ZNF106: variants seen among roughly 807,000 people sequenced by gnomAD.
The protein encoded by ZNF106 is zinc finger protein 106, also known as SH3-domain binding protein 3.
ZNF106 carries 67 observed loss-of-function variants against 195.1 expected under a neutral mutation model. The observed-to-expected ratio is 0.34, with a 90% CI of 0.28 to 0.42. The LOEUF is 0.42. Ranked by LOEUF, ZNF106 falls within the 10% of genes least tolerant of loss-of-function variation. ZNF106 has a pLI of 1.00. For missense variants in ZNF106, 2,118 were observed against 2,304.5 expected (o/e 0.92, Z 1.66); for synonymous variants, 784 against 818.6 (o/e 0.96, Z 0.72).
At chr15:42,490,093 G>T (rs2057113580) in intron 1 of ZNF106, among the ~76,000 whole-genome samples, 1 of 151,848 alleles carries the variant, frequency 6.6e-6, no homozygotes, top group Non-Finnish European at 1.5e-5. Flanking sequence ...AGCCAGGTAT[G>T]GTGGTGGGTG....
At chr15:42,441,002 T>A (rs1475211266) in intron 10 of ZNF106, among the ~76,000 whole-genome samples, 1,129 of 11,622 alleles carry the variant, frequency 0.097, 198 homozygotes, top group African/African-American at 0.31. Flanking sequence ...AAAAAAAATA[T>A]ATATATATAT....
At chr15:42,433,810 A>AACTT (rs1203620059) in intron 14 of ZNF106, among the ~76,000 whole-genome samples, 2 of 152,114 alleles carry the variant, frequency 1.3e-5, no homozygotes, top group African/African-American at 4.8e-5. Context: ...ATCACCTAAT[A>AACTT]ACTTATTAGA....
chr15:42,414,209 G>A lies in ZNF106; in HGVS notation c.*3095C>T, dbSNP rs2054363709. ...CTGAGCCATAGCTCTTCTCTGAGGG[G>A]AAACAGGGTTATAATCAGTCACAAC... On this transcript the variant is annotated 3_prime_UTR_variant, in exon 22 of 22. Coordinates refer to ENST00000564754, the MANE Select transcript of ZNF106 (RefSeq NM_001366845.3). 1 of 152,138 alleles carries A rather than the reference G, an allele frequency of 6.6e-6. No individual in the cohort carries two copies. 9.4% of individuals were successfully genotyped at this position (152,138 alleles called of 1,614,324 possible). A position where few individuals can be genotyped will look rare whatever the true frequency, so the allele number is the denominator to read the frequency against.
Position 42,422,593 on chromosome 15 carries a change from C to A in ZNF106, c.5281G>T (p.Gly1761Cys). The change falls in exon 18 of 22, where the codon GGT (glycine) becomes TGT (cysteine). Residue 1761 changes from glycine (G) to cysteine (C), a missense_variant. Coordinates refer to ENST00000564754, the MANE Select transcript of ZNF106 (RefSeq NM_001366845.3). ...ACCACAGTCACTGCATGATTGTGACCTTTATAGATCCGCACGAGCTCACCA... is the reference window on the plus strand; with the variant it reads ...ACCACAGTCACTGCATGATTGTGACATTTATAGATCCGCACGAGCTCACCA... ...HTGELVRIYK[G>C]HNHAVTVVNI... 6.2e-7 allele frequency: 1 copy of A among 1,613,080 alleles called. No individual in the cohort carries two copies.
At chr15:42,448,759 G>C in intron 5 of ZNF106, 54 bp from the exon 6 acceptor site, 1 of 1,518,894 alleles carries the variant, frequency 6.6e-7, no homozygotes, top group South Asian at 1.3e-5. Context: ...TGTTGGGAGG[G>C]GCATTATTTT....
intron 1 of ZNF106, among the ~76,000 whole-genome samples, chr15:42,480,140 A>G (rs1033081384): frequency 1.1e-4 from 16 of 152,216 alleles, no homozygotes; most frequent in Non-Finnish European, 1.8e-4. Context: ...TGTTGTTATC[A>G]CTGAAAGAAG....
intron 1 of ZNF106, among the ~76,000 whole-genome samples, chr15:42,486,041 T>C (rs1051416580): frequency 6.7e-6 from 1 of 149,430 alleles, no homozygotes; most frequent in East Asian, 2.0e-4. Context: ...CACTGCAACC[T>C]CCACCTCCCG....
At chr15:42,429,170 A>G (rs2054965074) in intron 14 of ZNF106, among the ~76,000 whole-genome samples, 1 of 151,554 alleles carries the variant, frequency 6.6e-6, no homozygotes, top group African/African-American at 2.4e-5. Flanking sequence ...GGCCGGACAC[A>G]GTGGCTCATG....
intron 13 of ZNF106, 116 bp from the exon 14 acceptor site, chr15:42,435,634 A>C (rs994552150): frequency 4.8e-6 from 6 of 1,256,650 alleles, no homozygotes; most frequent in Admixed American, 2.0e-5. Context: ...CCTCATGTCT[A>C]AAACAGCACC....
At chr15:42,433,721 T>C (rs1342358728) in intron 14 of ZNF106, among the ~76,000 whole-genome samples, 1 of 152,066 alleles carries the variant, frequency 6.6e-6, no homozygotes, top group Non-Finnish European at 1.5e-5. Context: ...GACCTCATGA[T>C]CCTCTTTGCA....
chr15:42,440,639 T>C (rs1028376686), intron 10 of ZNF106, among the ~76,000 whole-genome samples: 5 of 149,158 alleles, frequency 3.4e-5, no homozygotes, highest in Non-Finnish European at 6.0e-5. Flanking sequence ...ATGTAATCCA[T>C]AAATATATAC....
At chr15:42,423,346 G>A (rs1231696533) in intron 17 of ZNF106, among the ~76,000 whole-genome samples, 1 of 151,562 alleles carries the variant, frequency 6.6e-6, no homozygotes, top group Non-Finnish European at 1.5e-5. Context: ...CTCCAGCCTG[G>A]GGGACAAAGT....
chr15:42,444,999 A>G lies in ZNF106; in HGVS notation c.3206-18T>C, dbSNP rs1383115847. ...AGAACGTTCTGCCAAAAGAAATCATAAGGTTCAGGTTAATACGAGAGATTT... is the reference window on the plus strand; with the variant it reads ...AGAACGTTCTGCCAAAAGAAATCATGAGGTTCAGGTTAATACGAGAGATTT... On this transcript the variant is annotated intron_variant, in intron 7 of 21. Transcript: ENST00000564754. The G allele has an allele frequency of 3.7e-6, 6 of 1,613,838 alleles. No individual in the cohort carries two copies. The highest frequency in any genetic ancestry group is 1.3e-5 in the African/African-American group (1 of 75,046).
At chr15:42,432,635 G>A (rs1416244308) in intron 14 of ZNF106, among the ~76,000 whole-genome samples, 1 of 150,644 alleles carries the variant, frequency 6.6e-6, no homozygotes, top group Non-Finnish European at 1.5e-5. Context: ...CACTGTGGGA[G>A]ACCAAAGCAG....
At chr15:42,478,562 C>T (rs886088197) in intron 1 of ZNF106, among the ~76,000 whole-genome samples, 1 of 136,122 alleles carries the variant, frequency 7.3e-6, no homozygotes, top group South Asian at 2.3e-4. Flanking sequence ...GTCTCCCAGG[C>T]AGGAGTGCAG....
rs2055848398 is a variant in ZNF106 at position 42,448,328 on chromosome 15, C to T, written c.2879G>A (p.Ser960Asn). Residue 960 changes from serine (S) to asparagine (N), a missense_variant, in exon 6 of 22, where the codon AGT (serine) becomes AAT (asparagine). By Grantham distance (46) the Ser-to-Asn change is conservative. Transcript: ENST00000564754. Reference sequence around the variant, plus strand: ...TATATGGTCAGAGGATAATTGTGCACTATGTCGCCTTTGGGTAGCAACATT... The same window carrying T: ...TATATGGTCAGAGGATAATTGTGCATTATGTCGCCTTTGGGTAGCAACATT... ...AENVATQRRH[S>N]AQLSSDHIIP... is the part of the protein sequence containing the mutation. 1.9e-6 allele frequency: 3 copies of T among 1,614,094 alleles called. No homozygotes were observed. The highest frequency in any genetic ancestry group is 2.7e-5 in the African/African-American group (2 of 74,940).
intron 3 of ZNF106, chr15:42,457,635 A>C (rs1236384045): frequency 1.4e-6 from 1 of 694,424 alleles, no homozygotes; most frequent in Admixed American, 5.4e-5. Flanking sequence ...GCCAATCCCA[A>C]GTCGGTAACT....
chr15:42,457,675 A>G (rs751413271), intron 3 of ZNF106: 1 of 406,732 alleles, frequency 2.5e-6, no homozygotes, highest in Non-Finnish European at 3.4e-6. Context: ...TCTGCCTGGA[A>G]TGTGAGGATT....
At chr15:42,466,582 A>G (rs1341083190) in intron 2 of ZNF106, among the ~76,000 whole-genome samples, 1 of 152,226 alleles carries the variant, frequency 6.6e-6, no homozygotes, top group African/African-American at 2.4e-5. Flanking sequence ...ATCAATAAGC[A>G]TTTGTTGAAT....
Sources: gnomAD v4.1 joint callset for allele counts (sites outside exome capture counted in the v4.1 genomes callset) on GRCh38, gnomAD v4.1.1 for gene constraint, MANE v1.5 for transcripts, NCBI Gene and HGNC (gene_info 2026-07-23, HGNC 2026-07-21) for gene names.